TNS1: variants seen among roughly 807,000 people sequenced by gnomAD.
TNS1 encodes tensin 1.
TNS1 carries 62 observed loss-of-function variants against 168.6 expected under a neutral mutation model. That is an observed-to-expected ratio of 0.37 (90% CI 0.30 to 0.45). The LOEUF (loss-of-function observed/expected upper bound fraction) is 0.45. TNS1 is among the 20% of genes least tolerant of loss of function. TNS1 has a pLI of 1.00. For synonymous variants in TNS1, 934 were observed against 933.2 expected (o/e 1.00, Z -0.02); for missense variants, 2,240 against 2,339.4 (o/e 0.96, Z 0.88).
At chr2:217,882,455 A>G in intron 16 of TNS1, 44 bp from the exon 17 acceptor site, 1 of 1,413,776 alleles carries the variant, frequency 7.1e-7, no homozygotes, top group Non-Finnish European at 9.8e-7. Context: ...AAAAGTCCCA[A>G]AAAGGATTCC....
At chr2:217,971,024 A>G (rs2126028495) in intron 3 of TNS1, among the ~76,000 whole-genome samples, 1 of 152,350 alleles carries the variant, frequency 6.6e-6, no homozygotes, top group South Asian at 2.1e-4. Flanking sequence ...CCATAGACCA[A>G]TGGTTCTCAA....
At chr2:217,882,096 C>T in intron 17 of TNS1, 1 of 373,384 alleles carries the variant, frequency 2.7e-6, no homozygotes. Flanking sequence ...AGGCTGATGA[C>T]CTAATGGGAC....
chr2:217,972,066 T>C (rs1957785381), intron 3 of TNS1, among the ~76,000 whole-genome samples: 1 of 152,192 alleles, frequency 6.6e-6, no homozygotes, highest in Non-Finnish European at 1.5e-5. Flanking sequence ...AAATAATAAG[T>C]ACATATTAGC....
chr2:217,874,094 G>T (rs1403100364), intron 18 of TNS1, among the ~76,000 whole-genome samples: 1 of 139,136 alleles, frequency 7.2e-6, no homozygotes, highest in East Asian at 2.3e-4. Flanking sequence ...GGAGGAGCAA[G>T]TTCACCAGCA....
intron 22 of TNS1, among the ~76,000 whole-genome samples, chr2:217,831,215 C>G (rs192453963): frequency 6.6e-6 from 1 of 152,278 alleles, no homozygotes; most frequent in Admixed American, 6.5e-5. Flanking sequence ...GACCAGGCCT[C>G]CAAAGCCTCA....
chr2:217,977,621 TACATTACCTCATTG>T (rs758308907), intron 3 of TNS1, among the ~76,000 whole-genome samples: 153 of 152,248 alleles, frequency 1.0e-3, no homozygotes, highest in Non-Finnish European at 1.9e-3. Context: ...GCACTTCACA[TACATTACCTCATTG>T]AATTCTCACA....
At chr2:217,898,054 C>T in intron 7 of TNS1, 85 bp from the exon 8 acceptor site, 3 of 1,416,534 alleles carry the variant, frequency 2.1e-6, no homozygotes, top group Non-Finnish European at 2.8e-6. Context: ...CATACACACC[C>T]TGTGTGACCC....
chr2:217,835,208 A>G, intron 20 of TNS1, 42 bp from the exon 21 acceptor site: 1 of 1,574,294 alleles, frequency 6.4e-7, no homozygotes, highest in Non-Finnish European at 8.7e-7. Flanking sequence ...AAACCATGAG[A>G]AGGAGAGATT....
intron 19 of TNS1, among the ~76,000 whole-genome samples, chr2:217,836,667 G>A (rs1471825442): frequency 1.3e-5 from 2 of 152,286 alleles, no homozygotes; most frequent in East Asian, 3.9e-4. Context: ...TGCAAATGGT[G>A]CTCCCAAGGA....
In TNS1 at chr2:217,813,337, G is replaced by T. The variant is rs1941316606; in HGVS notation, c.4862-30C>A. Reference sequence around the variant, plus strand: ...GACAAAGAGAAAGAAATAAGGCTCAGTCCCTGCCCATGGCTTCCTCCCACC... The same window carrying T: ...GACAAAGAGAAAGAAATAAGGCTCATTCCCTGCCCATGGCTTCCTCCCACC... On this transcript the variant is annotated intron_variant, in intron 26 of 32. Transcript: ENST00000682258. This position sits in a 1 kb window ranked among gnomAD's most constrained non-coding sequence, Gnocchi z 4.0. 1 of 1,520,352 alleles carries T rather than the reference G, an allele frequency of 6.6e-7. No homozygotes were observed. The highest frequency in any genetic ancestry group is 9.0e-7 in the Non-Finnish European group (1 of 1,115,660). The allele number at this position is 1,520,352 out of a possible 1,614,324, so 94.2% of individuals were successfully genotyped here. A position where few individuals can be genotyped will look rare whatever the true frequency, so the allele number is the denominator to read the frequency against.
rs1433468124 is a variant in TNS1 at position 217,995,528 on chromosome 2, G to A, written c.34-4472C>T. On this transcript the variant is annotated intron_variant, in intron 1 of 32. Transcript: ENST00000682258. This position sits in a 1 kb window ranked among gnomAD's most constrained non-coding sequence, Gnocchi z 4.1. ...CTGGTACCTACCCAGCCCTCCCCCC[G>A]GGTTGTTCTGCAGGTACAGGCAGAG... Among the ~76,000 whole-genome samples the A allele has an allele frequency of 1.3e-5, 2 of 152,084 alleles. No homozygotes were observed. Among genetic ancestry groups the A allele is most frequent in the Admixed American group, 6.5e-5 (1 of 15,274 alleles).
At chr2:217,949,126 G>A (rs1485284426) in intron 3 of TNS1, among the ~76,000 whole-genome samples, 1 of 152,170 alleles carries the variant, frequency 6.6e-6, no homozygotes, top group East Asian at 1.9e-4. Context: ...AAGGCCTCAG[G>A]TTCCAGCCCG....
chr2:217,959,523 G>A (rs1957444827), intron 3 of TNS1, among the ~76,000 whole-genome samples: 2 of 151,642 alleles, frequency 1.3e-5, no homozygotes, highest in Non-Finnish European at 2.9e-5. Context: ...GTCTTAGCAT[G>A]GAATCTTATC....
chr2:217,951,257 A>G (rs1019180497), intron 3 of TNS1, among the ~76,000 whole-genome samples: 1 of 152,178 alleles, frequency 6.6e-6, no homozygotes, highest in African/African-American at 2.4e-5. Context: ...GCAGCTCTCC[A>G]TAAATGTTGG....
chr2:217,900,538 A>T, intron 6 of TNS1, 26 bp from the exon 7 acceptor site: 1 of 1,535,454 alleles, frequency 6.5e-7, no homozygotes, highest in Non-Finnish European at 8.7e-7. Context: ...GAGAAGCAGC[A>T]TTATGCAGGG....
chr2:217,991,451 C>T (rs1958364322), intron 1 of TNS1, among the ~76,000 whole-genome samples: 1 of 152,192 alleles, frequency 6.6e-6, no homozygotes, highest in African/African-American at 2.4e-5. Flanking sequence ...AAGACTCCCT[C>T]ATGGCTCCTC....
intron 23 of TNS1, among the ~76,000 whole-genome samples, chr2:217,819,346 T>C (rs1574616051): frequency 6.6e-6 from 1 of 152,328 alleles, no homozygotes; most frequent in African/African-American, 2.4e-5. Context: ...AGGTCTGCTC[T>C]CCAGCCACTG....
chr2:217,905,568 T>C, intron 6 of TNS1: 1 of 270,948 alleles, frequency 3.7e-6, no homozygotes, highest in Non-Finnish European at 7.5e-6. Context: ...CATCTACCCC[T>C]GTGCCAACCA....
rs1382136696 is a variant in TNS1 at position 217,914,206 on chromosome 2, C to T, written c.228+5989G>A. Among the ~76,000 whole-genome samples the T allele has an allele frequency of 7.9e-5, 12 of 152,214 alleles. 1 individual carries two copies. The highest frequency in any genetic ancestry group is 7.9e-4 in the Admixed American group (12 of 15,282). On this transcript the variant is annotated intron_variant, in intron 4 of 32. Coordinates refer to ENST00000682258, the MANE Select transcript of TNS1 (RefSeq NM_001387777.1). ...CCAAGGCTACCACCTCTGGTCAAAA[C>T]CCCAGAGTCAGGCACTATTTCCATA... is the stretch of plus-strand genomic sequence containing the variant.
Sources: allele counts gnomAD v4.1 joint callset (sites outside exome capture counted in the v4.1 genomes callset), GRCh38; gene constraint gnomAD v4.1.1; non-coding constraint Gnocchi (gnomAD v3.1); transcripts MANE v1.5; gene names NCBI Gene and HGNC (gene_info 2026-07-23, HGNC 2026-07-21).